Variants in MITF observed in about 807,000 individuals in gnomAD.
MITF encodes melanocyte inducing transcription factor.
A neutral mutation model predicts 60.5 loss-of-function variants in MITF; 17 were observed. That is an observed-to-expected ratio of 0.28 (90% confidence interval 0.19 to 0.42). The LOEUF (loss-of-function observed/expected upper bound fraction) is 0.42. Ranked by LOEUF, MITF falls within the 10% of genes least tolerant of loss-of-function variation. The pLI, the probability that MITF is intolerant of heterozygous loss-of-function variation, is 1.00. For missense variants in MITF, 622 were observed against 683.5 expected (o/e 0.91, Z 1.00); for synonymous variants, 260 against 248.5 (o/e 1.05, Z -0.43).
intron 1 of MITF, among the ~76,000 whole-genome samples, chr3:69,841,482 C>A (rs1432638956): frequency 6.6e-6 from 1 of 152,164 alleles, no homozygotes; most frequent in Non-Finnish European, 1.5e-5. Context: ...GCTATTTATA[C>A]AATTTATATT....
intron 4 of MITF, among the ~76,000 whole-genome samples, chr3:69,939,697 A>T (rs990232238): frequency 6.6e-6 from 1 of 152,186 alleles, no homozygotes; most frequent in Non-Finnish European, 1.5e-5. Context: ...TTATATATCT[A>T]TGCATGTATA....
rs62252220 is a variant in MITF at position 69,833,686 on chromosome 3, T to C, written c.105-45448T>C. ...TCCCTGTTTACACTGTATGTGGTTC[T>C]CTGTTTACACTGTATGTGGTTCTCT... is the stretch of plus-strand genomic sequence containing the variant. On this transcript the variant is annotated intron_variant, in intron 1 of 9. Transcript: ENST00000352241. 7.1e-5 allele frequency among the ~76,000 whole-genome samples: 3 copies of C among 42,202 alleles called. No homozygotes were observed. The South Asian group carries it at 1.3e-3, about 19-fold the overall frequency. The allele number at this position is 42,202 out of a possible 152,430, so 27.7% of individuals were successfully genotyped here. A position where few individuals can be genotyped will look rare whatever the true frequency, so the allele number is the denominator to read the frequency against.
chr3:69,915,714 C>T (rs573180640), intron 2 of MITF, among the ~76,000 whole-genome samples: 13 of 152,262 alleles, frequency 8.5e-5, no homozygotes, highest in African/African-American at 1.4e-4. Flanking sequence ...GGCTTGGAAC[C>T]GGGAGCAGTA....
intron 1 of MITF, among the ~76,000 whole-genome samples, chr3:69,759,712 A>T (rs189510066): frequency 1.3e-5 from 2 of 152,330 alleles, no homozygotes; most frequent in African/African-American, 4.8e-5. Context: ...ATTTTAAAAC[A>T]CTATCTGCTC....
At chr3:69,951,616 T>C (rs976883547) in intron 6 of MITF, among the ~76,000 whole-genome samples, 196 bp from the exon 7 acceptor site, 1 of 152,150 alleles carries the variant, frequency 6.6e-6, no homozygotes, top group Non-Finnish European at 1.5e-5. Context: ...TTTTTACATA[T>C]TGTATATATG....
chr3:69,802,245 C>T (rs986573577), intron 1 of MITF, among the ~76,000 whole-genome samples: 4 of 151,924 alleles, frequency 2.6e-5, no homozygotes, highest in East Asian at 3.9e-4. Flanking sequence ...GGGGTGCTGC[C>T]GAACATTCTG....
intron 1 of MITF, among the ~76,000 whole-genome samples, chr3:69,861,076 C>G (rs2064008395): frequency 6.6e-6 from 1 of 152,076 alleles, no homozygotes; most frequent in Non-Finnish European, 1.5e-5. Flanking sequence ...AATTTGTACC[C>G]CAATACTTTC....
At chr3:69,900,011 T>C (rs940651817) in intron 2 of MITF, among the ~76,000 whole-genome samples, 6 of 152,130 alleles carry the variant, frequency 3.9e-5, no homozygotes, top group African/African-American at 1.4e-4. Context: ...ATTTGATGAA[T>C]AGAGAAAGCT....
intron 1 of MITF, among the ~76,000 whole-genome samples, chr3:69,835,643 G>A (rs2063528134): frequency 6.6e-6 from 1 of 152,104 alleles, no homozygotes; most frequent in Non-Finnish European, 1.5e-5. Context: ...ATTTTGAGTT[G>A]ATTTTTGTAT....
intron 1 of MITF, among the ~76,000 whole-genome samples, chr3:69,827,022 C>T (rs944036479): frequency 7.9e-5 from 12 of 152,248 alleles, no homozygotes; most frequent in Middle Eastern, 3.4e-3. Context: ...ATTATTCATT[C>T]CTGAGTTTTC....
At chr3:69,816,609 C>A (rs1047939782) in intron 1 of MITF, among the ~76,000 whole-genome samples, 4 of 152,118 alleles carry the variant, frequency 2.6e-5, no homozygotes, top group South Asian at 4.1e-4. Flanking sequence ...ATGTGGACTT[C>A]GGATTTGGTT....
At chr3:69,798,240 A>T (rs967517463) in intron 1 of MITF, among the ~76,000 whole-genome samples, 2 of 152,210 alleles carry the variant, frequency 1.3e-5, no homozygotes, top group Admixed American at 6.5e-5. Context: ...TGATGTTCTT[A>T]TTATTTTTAT....
chr3:69,921,201 G>A (rs1390337570), intron 2 of MITF, among the ~76,000 whole-genome samples: 1 of 152,190 alleles, frequency 6.6e-6, no homozygotes, highest in Admixed American at 6.5e-5. Flanking sequence ...GAGAATTTGG[G>A]AGAGTAAGGA....
At position 69,894,492 on chromosome 3, in the gene MITF, C is replaced by A. The variant is rs540618974; in HGVS notation, c.354+15109C>A. Reference sequence around the variant, plus strand: ...CCTGAGGTCAGGAGTTCGAGACCAGCCTGACCAACATGCTGAAAACCCGTC... The same window carrying A: ...CCTGAGGTCAGGAGTTCGAGACCAGACTGACCAACATGCTGAAAACCCGTC... On this transcript the variant is annotated intron_variant, in intron 2 of 9. Transcript: ENST00000352241. Among the ~76,000 whole-genome samples the A allele has an allele frequency of 2.0e-5, 3 of 152,178 alleles. 1 individual carries two copies. The highest frequency in any genetic ancestry group is 7.2e-5 in the African/African-American group (3 of 41,516).
intron 2 of MITF, among the ~76,000 whole-genome samples, chr3:69,899,604 T>C (rs2064953660): frequency 6.6e-6 from 1 of 152,200 alleles, no homozygotes; most frequent in South Asian, 2.1e-4. Flanking sequence ...TTCCCTCTTC[T>C]GAGTGTGGAG....
In MITF at chr3:69,965,979, G is replaced by C. The variant is rs527797309; in HGVS notation, c.*731G>C. On this transcript the variant is annotated 3_prime_UTR_variant, in exon 10 of 10. Transcript: ENST00000352241. ...TTTCTTCATCAATGAGTGTGATCCAGTTTTTCATAAGATATTTTATTTTGA... is the reference window on the plus strand; with the variant it reads ...TTTCTTCATCAATGAGTGTGATCCACTTTTTCATAAGATATTTTATTTTGA... 71 of 231,752 alleles carry C rather than the reference G, an allele frequency of 3.1e-4. 1 individual carries two copies. Among genetic ancestry groups the C allele is most frequent in the Admixed American group, 1.7e-3 (31 of 17,744 alleles). The allele number at this position is 231,752 out of a possible 1,614,324, so 14.4% of individuals were successfully genotyped here. A position where few individuals can be genotyped will look rare whatever the true frequency, so the allele number is the denominator to read the frequency against.
At chr3:69,814,938 C>T (rs1228194130) in intron 1 of MITF, among the ~76,000 whole-genome samples, 1 of 152,108 alleles carries the variant, frequency 6.6e-6, no homozygotes, top group Non-Finnish European at 1.5e-5. Flanking sequence ...GACTTCGGCT[C>T]TTCTTTTCTC....
chr3:69,939,077 T>C, intron 3 of MITF, 21 bp from the exon 4 acceptor site: 1 of 1,613,110 alleles, frequency 6.2e-7, no homozygotes, highest in South Asian at 1.1e-5. Context: ...TTATAGACTG[T>C]TTTTGCTTGT....
At chr3:69,775,058 C>T (rs2062451979) in intron 1 of MITF, among the ~76,000 whole-genome samples, 1 of 152,168 alleles carries the variant, frequency 6.6e-6, no homozygotes, top group Non-Finnish European at 1.5e-5. Flanking sequence ...CTTTAGTCTC[C>T]ACTTAAAGGT....
Sources: gnomAD v4.1 joint callset for allele counts (sites outside exome capture counted in the v4.1 genomes callset) on GRCh38, gnomAD v4.1.1 for gene constraint, MANE v1.5 for transcripts, NCBI Gene and HGNC (gene_info 2026-07-23, HGNC 2026-07-21) for gene names.